The following NHS variants were observed in gnomAD, a reference collection of about 807,000 sequenced individuals.
The protein encoded by NHS is NHS actin remodeling regulator.
NHS carries 5 observed loss-of-function variants against 72.5 expected under a neutral mutation model. The ratio of observed to expected loss-of-function variants is 0.07; its 90% CI spans 0.04 to 0.14. The LOEUF (loss-of-function observed/expected upper bound fraction) is 0.14, where lower values mean the gene tolerates loss of function less well. Ranked by LOEUF, NHS falls within the 10% of genes least tolerant of loss-of-function variation. The pLI is 1.00. For synonymous variants in NHS, 464 were observed against 547.7 expected, an observed-to-expected ratio of 0.85 and a Z score of 2.13; for missense variants, 1,072 against 1,355.7, an observed-to-expected ratio of 0.79 and a Z score of 3.29.
intron 1 of NHS, among the ~76,000 whole-genome samples, chrX:17,555,015 A>T (rs772667568): frequency 9.1e-6 from 1 of 109,545 alleles, no homozygotes; most frequent in Non-Finnish European, 1.9e-5. Flanking sequence ...TCCACTCCCC[A>T]ACAGGCCCTG....
intron 1 of NHS, among the ~76,000 whole-genome samples, chrX:17,406,073 A>G (rs2064527954): frequency 8.9e-6 from 1 of 112,381 alleles, no homozygotes; most frequent in Non-Finnish European, 1.9e-5. Flanking sequence ...GAGCTGGGAT[A>G]TAATAACTTC....
intron 1 of NHS, among the ~76,000 whole-genome samples, chrX:17,671,658 G>C (rs1417182658): frequency 2.7e-5 from 3 of 111,883 alleles, no homozygotes; most frequent in Non-Finnish European, 5.6e-5. Flanking sequence ...AGTTTGACAG[G>C]GAAACAAGCA....
chrX:17,715,858 A>G (rs2066361987), intron 3 of NHS, among the ~76,000 whole-genome samples: 1 of 111,764 alleles, frequency 8.9e-6, no homozygotes, highest in African/African-American at 3.3e-5. Flanking sequence ...ATATAACTGT[A>G]TATTTATATA....
At chrX:17,626,501 C>T (rs1293930452) in intron 1 of NHS, among the ~76,000 whole-genome samples, 2 of 112,066 alleles carry the variant, frequency 1.8e-5, no homozygotes, top group Non-Finnish European at 3.8e-5. Flanking sequence ...GAATGGACTT[C>T]TTTCTGGTTG....
At chrX:17,696,194 A>G (rs1442335360) in intron 3 of NHS, among the ~76,000 whole-genome samples, 2 of 111,957 alleles carry the variant, frequency 1.8e-5, no homozygotes, top group East Asian at 5.6e-4. Flanking sequence ...AAATGTAAAA[A>G]GTTTGTAGTA....
intron 3 of NHS, among the ~76,000 whole-genome samples, chrX:17,709,995 G>C (rs1296166739): frequency 8.9e-6 from 1 of 111,781 alleles, no homozygotes; most frequent in African/African-American, 3.3e-5. Flanking sequence ...CATAGCTGGG[G>C]GCAAAGGACC....
intron 3 of NHS, among the ~76,000 whole-genome samples, chrX:17,697,969 T>A (rs1218274788): frequency 1.8e-5 from 2 of 108,580 alleles, no homozygotes; most frequent in African/African-American, 6.7e-5. Context: ...TACCAAAAAA[T>A]TGTTTTATAT....
intron 1 of NHS, among the ~76,000 whole-genome samples, chrX:17,566,759 C>T (rs928580051): frequency 5.5e-5 from 6 of 109,869 alleles, no homozygotes; most frequent in Non-Finnish European, 1.1e-4. Flanking sequence ...TTATCTGATC[C>T]GTTACAGCTT....
chrX:17,541,367 C>G (rs958699370), intron 1 of NHS, among the ~76,000 whole-genome samples: 14 of 111,884 alleles, frequency 1.3e-4, no homozygotes, highest in African/African-American at 2.9e-4. Flanking sequence ...ACAAATCTTT[C>G]CATTTTTCCC....
At chrX:17,536,532 CT>C (rs762321315) in intron 1 of NHS, among the ~76,000 whole-genome samples, 1 of 112,341 alleles carries the variant, frequency 8.9e-6, no homozygotes, top group African/African-American at 3.2e-5. Flanking sequence ...GGAAAAAGTA[CT>C]GGAAGGGTTG....
intron 1 of NHS, among the ~76,000 whole-genome samples, chrX:17,462,708 G>A (rs749362409): frequency 1.8e-5 from 2 of 111,973 alleles, no homozygotes; most frequent in East Asian, 5.6e-4. Flanking sequence ...TGAAGAGGTT[G>A]CACAGTTAGT....
chrX:17,683,968 G>T (rs945378586), intron 1 of NHS, among the ~76,000 whole-genome samples: 1 of 111,885 alleles, frequency 8.9e-6, no homozygotes, highest in African/African-American at 3.3e-5. Flanking sequence ...TGTCATGGGA[G>T]GGACCTAGTG....
chrX:17,475,198 C>A (rs1350771338), intron 1 of NHS, among the ~76,000 whole-genome samples: 2 of 112,391 alleles, frequency 1.8e-5, no homozygotes, highest in Non-Finnish European at 3.8e-5. Context: ...GTAGCCACAA[C>A]CCAGCAGCTA....
At chrX:17,464,520 C>T (rs2146898524) in intron 1 of NHS, among the ~76,000 whole-genome samples, 1 of 112,133 alleles carries the variant, frequency 8.9e-6, no homozygotes, top group South Asian at 3.8e-4. Context: ...AAATGAGTCC[C>T]CACCTCCACA....
At chrX:17,538,210 C>T (rs1221060005) in intron 1 of NHS, among the ~76,000 whole-genome samples, 1 of 112,154 alleles carries the variant, frequency 8.9e-6, no homozygotes, top group African/African-American at 3.2e-5. Flanking sequence ...TAGTCTCACA[C>T]CCTCATTTTC....
intron 1 of NHS, among the ~76,000 whole-genome samples, chrX:17,425,552 A>G (rs866560083): frequency 1.0e-4 from 7 of 68,593 alleles, no homozygotes; most frequent in African/African-American, 3.4e-4. Flanking sequence ...AAAAAAAAAA[A>G]AAAAAAAAAA....
chrX:17,637,584 G>T (rs1162879089), intron 1 of NHS, among the ~76,000 whole-genome samples: 3 of 112,148 alleles, frequency 2.7e-5, no homozygotes, highest in Non-Finnish European at 5.6e-5. Context: ...GGACTTGGCA[G>T]ATACTGCATT....
intron 1 of NHS, among the ~76,000 whole-genome samples, chrX:17,548,977 AC>A (rs2065310728): frequency 9.4e-6 from 1 of 106,869 alleles, no homozygotes; most frequent in Admixed American, 1.0e-4. Flanking sequence ...AACGGGGTTG[AC>A]ACATGTCTGT....
At chrX:17,434,422 A>G (rs2064709838) in intron 1 of NHS, among the ~76,000 whole-genome samples, 1 of 109,688 alleles carries the variant, frequency 9.1e-6, no homozygotes, top group Non-Finnish European at 1.9e-5. Flanking sequence ...GACACCAAGC[A>G]CATTCATTCA....
Sources: gnomAD v4.1 joint callset for allele counts (sites outside exome capture counted in the v4.1 genomes callset) on GRCh38, gnomAD v4.1.1 for gene constraint, MANE v1.5 for transcripts, NCBI Gene and HGNC (gene_info 2026-07-23, HGNC 2026-07-21) for gene names.